Variants in CKAP5 observed in about 807,000 individuals in gnomAD.
CKAP5 encodes the protein cytoskeleton-associated protein 5.
Under a neutral mutation model 232.8 loss-of-function variants are expected in CKAP5, and 27 were observed. The ratio of observed to expected loss-of-function variants is 0.12; its 90% confidence interval spans 0.09 to 0.16. The LOEUF (loss-of-function observed/expected upper bound fraction) is 0.16, where lower values mean the gene tolerates loss of function less well. Among genes scored for constraint, CKAP5 ranks in the 10% least tolerant of loss-of-function variants. The probability of loss-of-function intolerance (pLI) is 1.00; values close to 1 mark genes in which losing one functional copy is unlikely to be tolerated. For synonymous variants in CKAP5, 785 were observed against 841.1 expected, an observed-to-expected ratio of 0.93 and a Z score of 1.16; for missense variants, 1,838 against 2,424.7, an observed-to-expected ratio of 0.76 and a Z score of 5.08.
intron 13 of CKAP5, among the ~76,000 whole-genome samples, 197 bp from the exon 14 acceptor site, chr11:46,790,780 G>A (rs1218739534): frequency 1.3e-5 from 2 of 151,932 alleles, no homozygotes; most frequent in African/African-American, 2.4e-5. Context: ...CTGTGTAGCT[G>A]GGACCACAGG....
intron 8 of CKAP5, among the ~76,000 whole-genome samples, chr11:46,807,484 G>C (rs1939183656): frequency 6.6e-6 from 1 of 152,178 alleles, no homozygotes; most frequent in African/African-American, 2.4e-5. Context: ...TATCCACAGT[G>C]TTTGATCTAT....
Position 46,818,421 on chromosome 11 carries a change from G to C in CKAP5, c.140C>G (p.Ser47Cys). Reference protein sequence around the residue: ...KIKDEKSPEWSKFLGLIKKFV... With the variant: ...KIKDEKSPEWCKFLGLIKKFV... ...TTTTTTGATCAATCCTAAAAATTTG[G>C]ACCACTCTGGGCTCTTTTCATCCTT... The change falls in exon 3 of 44, where the codon TCC (serine) becomes TGC (cysteine). Residue 47 changes from serine to cysteine, a missense_variant. This residue lies in a region of CKAP5 where 285 missense variants were observed against 300.0 expected (regional missense o/e 0.95). Coordinates refer to ENST00000529230, the MANE Select transcript of CKAP5 (RefSeq NM_001008938.4). The C allele has an allele frequency of 1.2e-6, 2 of 1,611,746 alleles. No homozygotes were observed. The highest frequency in any genetic ancestry group is 1.7e-6 in the Non-Finnish European group (2 of 1,179,128).
chr11:46,807,032 A>T (rs770610793), intron 8 of CKAP5, among the ~76,000 whole-genome samples: 5 of 152,236 alleles, frequency 3.3e-5, no homozygotes, highest in Non-Finnish European at 7.3e-5. Context: ...TCCTAAGTGC[A>T]AACAGGCTGT....
intron 9 of CKAP5, among the ~76,000 whole-genome samples, chr11:46,800,672 T>A (rs1316926820): frequency 6.6e-6 from 1 of 152,178 alleles, no homozygotes; most frequent in Non-Finnish European, 1.5e-5. Context: ...TTTGAATAAG[T>A]AAAACGGAGA....
At position 46,770,872 on chromosome 11, in the gene CKAP5, C is replaced by T. The variant is rs769693645; in HGVS notation, c.3102G>A (p.Val1034=). Residue 1034 remains valine (V), a synonymous_variant, in exon 25 of 44, where the codon GTG becomes GTA. Coordinates refer to ENST00000529230, the MANE Select transcript of CKAP5 (RefSeq NM_001008938.4). Reference sequence around the variant, plus strand: ...GCAAGGCATCTTGGGCCTTCTTTCGCACATCTCCATTTCGATCTTCTAGGC... The same window carrying T: ...GCAAGGCATCTTGGGCCTTCTTTCGTACATCTCCATTTCGATCTTCTAGGC... ...YSCLEDRNGD[V]RKKAQDALPF... 6 of 1,614,028 alleles carry T rather than the reference C, an allele frequency of 3.7e-6. No individual in the cohort carries two copies. The highest frequency in any genetic ancestry group is 1.3e-5 in the African/African-American group (1 of 74,910).
chr11:46,755,267 G>A (rs554172397), intron 35 of CKAP5, among the ~76,000 whole-genome samples, 200 bp from the exon 36 acceptor site: 2 of 152,138 alleles, frequency 1.3e-5, no homozygotes, highest in East Asian at 3.9e-4. Flanking sequence ...AGGCTGGTGT[G>A]CAGTGGCACG....
chr11:46,758,692 G>A (rs1191001652), intron 35 of CKAP5: 4 of 400,602 alleles, frequency 1.0e-5, no homozygotes, highest in Non-Finnish European at 1.8e-5. Context: ...GGACAACATA[G>A]TGAGACCTGG....
intron 1 of CKAP5, among the ~76,000 whole-genome samples, chr11:46,839,024 G>A (rs1259087969): frequency 6.6e-6 from 1 of 151,740 alleles, no homozygotes; most frequent in African/African-American, 2.4e-5. Flanking sequence ...GAGTCACTGA[G>A]GTAACCTCAA....
At chr11:46,777,993 A>C in intron 22 of CKAP5, 146 bp downstream of exon 22, 1 of 640,990 alleles carries the variant, frequency 1.6e-6, no homozygotes. Flanking sequence ...ATCTTGAGAT[A>C]CACTTAATAA....
intron 1 of CKAP5, among the ~76,000 whole-genome samples, chr11:46,845,584 C>A (rs984583429): frequency 1.3e-5 from 2 of 152,152 alleles, no homozygotes; most frequent in Admixed American, 6.5e-5. Flanking sequence ...AAGGCCCAAC[C>A]CACACTGCTG....
chr11:46,790,471 G>A lies in CKAP5; in HGVS notation c.1763C>T (p.Ser588Leu), dbSNP rs775475899. The A allele has an allele frequency of 1.8e-5, 29 of 1,605,796 alleles. No individual in the cohort carries two copies. The highest frequency in any genetic ancestry group is 6.7e-5 in the Admixed American group (4 of 59,818). ...ETKEIVEPEL[S>L]IEVCEEKASA... ...CAGGCTCAGTGTGTTAATACTGACC[G>A]AGAGCTCAGGCTCCACTATTTCTTT... The change falls in exon 14 of 44, where the codon TCG (serine) becomes TTG (leucine). Residue 588 changes from serine to leucine, a missense_variant and splice_region_variant. Transcript: ENST00000529230.
Position 46,763,630 on chromosome 11 carries a change from C to T in CKAP5, c.3538G>A (p.Val1180Met). The change falls in exon 29 of 44, where the codon GTG (valine) becomes ATG (methionine). Residue 1180 changes from valine (V) to methionine (M), a missense_variant and splice_region_variant. Val to Met is a conservative substitution (Grantham distance 21). This residue lies in a region of CKAP5 where 767 missense variants were observed against 954.6 expected (regional missense o/e 0.80). Coordinates refer to ENST00000529230, the MANE Select transcript of CKAP5 (RefSeq NM_001008938.4). ...QRMKDEKGLK[V>M]LKWNFTTPRD... ...GGGGTAGTAAAATTCCACTTTAGCACCTGGAAAAAACAAACGGTGAAAAGG... is the reference window on the plus strand; with the variant it reads ...GGGGTAGTAAAATTCCACTTTAGCATCTGGAAAAAACAAACGGTGAAAAGG... 6.5e-7 allele frequency: 1 copy of T among 1,532,512 alleles called. No individual in the cohort carries two copies. The highest frequency in any genetic ancestry group is 8.8e-7 in the Non-Finnish European group (1 of 1,139,468). 94.9% of individuals were successfully genotyped at this position (1,532,512 alleles called of 1,614,324 possible).
intron 33 of CKAP5, among the ~76,000 whole-genome samples, chr11:46,760,158 G>A (rs754587764): frequency 1.1e-4 from 16 of 152,182 alleles, no homozygotes; most frequent in Non-Finnish European, 1.9e-4. Flanking sequence ...ATAACACAAA[G>A]AAGAAAGTGA....
In CKAP5 at chr11:46,816,464, A is replaced by T. The variant is rs1019595913; in HGVS notation, c.252-60T>A. Reference sequence around the variant, plus strand: ...AAGTAGTAAGAATTGGAAAAAGGTCACGGAAAGGGGGTGTACTAGTACTTT... The same window carrying T: ...AAGTAGTAAGAATTGGAAAAAGGTCTCGGAAAGGGGGTGTACTAGTACTTT... On this transcript the variant is annotated intron_variant, in intron 3 of 43. Coordinates refer to ENST00000529230, the MANE Select transcript of CKAP5 (RefSeq NM_001008938.4). The T allele has an allele frequency of 3.0e-6, 4 of 1,341,492 alleles. No individual in the cohort carries two copies. The African/African-American group carries it at 5.8e-5, about 19-fold the overall frequency. 83.1% of individuals were successfully genotyped at this position (1,341,492 alleles called of 1,614,324 possible).
intron 1 of CKAP5, among the ~76,000 whole-genome samples, chr11:46,829,838 ATGTGTGTGTGTG>A (rs57602333): frequency 0.018 from 2,515 of 142,618 alleles, 33 homozygotes; most frequent in African/African-American, 0.042. Context: ...CCTTTTTTGT[ATGTGTGTGTGTG>A]TGTGTGTGTG....
chr11:46,835,488 A>G (rs1390298158), intron 1 of CKAP5, among the ~76,000 whole-genome samples: 1 of 152,142 alleles, frequency 6.6e-6, no homozygotes, highest in East Asian at 1.9e-4. Flanking sequence ...AAAAGAAAAA[A>G]AAAATTAAAA....
At chr11:46,827,701 G>A (rs188643715) in intron 1 of CKAP5, among the ~76,000 whole-genome samples, 39 of 152,270 alleles carry the variant, frequency 2.6e-4, no homozygotes, top group Admixed American at 2.2e-3. Context: ...AAAAGTCAAC[G>A]TAAATAAATG....
chr11:46,808,532 C>G (rs1939207069), intron 7 of CKAP5, among the ~76,000 whole-genome samples: 1 of 152,140 alleles, frequency 6.6e-6, no homozygotes, highest in African/African-American at 2.4e-5. Flanking sequence ...CAGAGCGAGA[C>G]TCCGTCTCAA....
At chr11:46,761,869 A>T in intron 32 of CKAP5, 131 bp downstream of exon 32, 1 of 645,950 alleles carries the variant, frequency 1.5e-6, no homozygotes, top group Non-Finnish European at 2.7e-6. Flanking sequence ...ATTCTAGGAC[A>T]CATTGATAGG....
Sources: gnomAD v4.1 joint callset for allele counts (sites outside exome capture counted in the v4.1 genomes callset) on GRCh38, gnomAD v4.1.1 for gene constraint, gnomAD v4.1.1 regional missense constraint, MANE v1.5 for transcripts, NCBI Gene and HGNC (gene_info 2026-07-23, HGNC 2026-07-21) for gene names.